The following PCDH15 variants were observed in gnomAD, a reference collection of about 807,000 sequenced individuals.
PCDH15 encodes the protein protocadherin related 15.
A neutral mutation model predicts 178.5 loss-of-function variants in PCDH15; 129 were observed. The ratio of observed to expected loss-of-function variants is 0.72; its 90% CI spans 0.63 to 0.84. PCDH15 has a LOEUF of 0.84. Among genes scored for constraint, PCDH15 ranks in the 40% least tolerant of loss-of-function variants. The probability of loss-of-function intolerance (pLI) is 0.00; values close to 1 mark genes in which losing one functional copy is unlikely to be tolerated. For synonymous variants in PCDH15, 800 were observed against 732.0 expected (o/e 1.09, Z -1.50); for missense variants, 2,230 against 2,099.9 (o/e 1.06, Z -1.21).
At chr10:54,363,574 C>T (rs1025773078) in intron 5 of PCDH15, among the ~76,000 whole-genome samples, 1 of 152,094 alleles carries the variant, frequency 6.6e-6, no homozygotes, top group Non-Finnish European at 1.5e-5. Flanking sequence ...GAATCTTTCT[C>T]AACATGATTT....
intron 2 of PCDH15, among the ~76,000 whole-genome samples, chr10:55,587,630 T>G (rs372576202): frequency 8.5e-5 from 13 of 152,212 alleles, no homozygotes; most frequent in African/African-American, 2.6e-4. Flanking sequence ...TTTGTGAAGA[T>G]TAAAAGAAAA....
intron 4 of PCDH15, among the ~76,000 whole-genome samples, chr10:54,376,703 A>T (rs1589111592): frequency 6.6e-6 from 1 of 151,994 alleles, no homozygotes; most frequent in East Asian, 1.9e-4. Context: ...TCAAATATTT[A>T]CATAATATTA....
chr10:54,550,356 T>C (rs61853622), intron 2 of PCDH15, among the ~76,000 whole-genome samples: 3,891 of 152,240 alleles, frequency 0.026, 70 homozygotes, highest in Non-Finnish European at 0.039. Context: ...CAAAATATAA[T>C]CCCCTTTCCT....
chr10:54,318,734 T>C (rs547815010), intron 7 of PCDH15, among the ~76,000 whole-genome samples: 2 of 152,318 alleles, frequency 1.3e-5, no homozygotes, highest in African/African-American at 4.8e-5. Context: ...TCTGGTGTTT[T>C]CCTCAAGATT....
rs373433378 is a variant in PCDH15 at position 54,830,450 on chromosome 10, T to C, written c.-29+67000A>G. ...TCCTTTGTAGGGACATGGATGAAGC[T>C]GGAAACCATCATTCTCAGCAAACTA... is the stretch of plus-strand genomic sequence containing the variant. On this transcript the variant is annotated intron_variant, in intron 3 of 5. Coordinates refer to the PCDH15 transcript ENST00000458638. Among the ~76,000 whole-genome samples, 62 of 152,194 alleles carry C rather than the reference T, an allele frequency of 4.1e-4. No homozygotes were observed. In the East Asian group the frequency reaches 0.01, roughly 26 times the overall value.
At chr10:55,012,777 A>G (rs568670832) in intron 2 of PCDH15, among the ~76,000 whole-genome samples, 1 of 152,164 alleles carries the variant, frequency 6.6e-6, no homozygotes, top group Non-Finnish European at 1.5e-5. Context: ...ATATGTCAGG[A>G]CAGTGCAAGG....
chr10:55,297,099 T>A (rs1480642273), intron 1 of PCDH15, among the ~76,000 whole-genome samples: 1 of 152,066 alleles, frequency 6.6e-6, no homozygotes. Flanking sequence ...TTATGGTGTT[T>A]ACATATTTCA....
intron 2 of PCDH15, among the ~76,000 whole-genome samples, chr10:55,068,150 C>A (rs1010865169): frequency 2.0e-5 from 3 of 151,954 alleles, no homozygotes; most frequent in Non-Finnish European, 4.4e-5. Context: ...GCTGTAAATT[C>A]TTTGCCTACT....
intron 2 of PCDH15, chr10:55,597,163 G>C (rs1842951784): frequency 6.6e-6 from 1 of 152,146 alleles, no homozygotes; most frequent in African/African-American, 2.4e-5. Flanking sequence ...GACTTATCTT[G>C]AATATTCTGA....
intron 1 of PCDH15, among the ~76,000 whole-genome samples, chr10:55,230,258 A>G (rs117226189): frequency 0.061 from 9,253 of 152,132 alleles, 357 homozygotes; most frequent in Non-Finnish European, 0.09. Flanking sequence ...AGGAGTTGCA[A>G]TATTATTTGA....
chr10:54,510,890 TA>T (rs1329058741), intron 3 of PCDH15, among the ~76,000 whole-genome samples: 2 of 152,138 alleles, frequency 1.3e-5, no homozygotes, highest in Admixed American at 6.6e-5. Flanking sequence ...TCACCGTATT[TA>T]ACTCATATGA....
intron 27 of PCDH15, among the ~76,000 whole-genome samples, chr10:53,859,007 C>T (rs1024497346): frequency 6.6e-6 from 1 of 151,362 alleles, no homozygotes; most frequent in African/African-American, 2.4e-5. Context: ...CCCCTCCTTC[C>T]TTCCTTCTTT....
intron 1 of PCDH15, among the ~76,000 whole-genome samples, chr10:55,190,135 C>T (rs1352728752): frequency 6.6e-6 from 1 of 151,614 alleles, no homozygotes; most frequent in African/African-American, 2.4e-5. Flanking sequence ...GCAAAAGAAT[C>T]CAGATACATG....
chr10:54,919,893 G>GGA (rs1837440899), intron 2 of PCDH15, among the ~76,000 whole-genome samples: 1 of 146,650 alleles, frequency 6.8e-6, no homozygotes, highest in African/African-American at 2.5e-5. Flanking sequence ...TGAGGTTTGG[G>GGA]AAAAAAAAAA....
intron 2 of PCDH15, among the ~76,000 whole-genome samples, chr10:54,970,611 A>T (rs1838907320): frequency 1.8e-5 from 1 of 55,088 alleles, no homozygotes; most frequent in African/African-American, 1.8e-4. Flanking sequence ...TAAATGGAAA[A>T]TTCCCTTAAA....
At position 54,372,164 on chromosome 10, in the gene PCDH15, T is replaced by C. The variant is rs183483942; in HGVS notation, c.319-2889A>G. On this transcript the variant is annotated intron_variant, in intron 4 of 37. Transcript: ENST00000644397. ...TCTTGGAAGACAATGAGGTGAATTA[T>C]GCACTTTTAAAGTTATTTATCTTCC... Among the ~76,000 whole-genome samples, 105 of 152,058 alleles carry C rather than the reference T, an allele frequency of 6.9e-4. 1 individual carries two copies. Among genetic ancestry groups the C allele is most frequent in the Admixed American group, 1.9e-3 (29 of 15,218 alleles).
intron 6 of PCDH15, among the ~76,000 whole-genome samples, chr10:54,344,924 A>C (rs796101087): frequency 2.2e-5 from 3 of 137,230 alleles, no homozygotes; most frequent in African/African-American, 5.3e-5. Flanking sequence ...AAAAAAAAAA[A>C]AACAAGACTC....
intron 21 of PCDH15, among the ~76,000 whole-genome samples, chr10:53,976,769 G>A (rs2090217927): frequency 6.6e-6 from 1 of 151,906 alleles, no homozygotes; most frequent in Admixed American, 6.6e-5. Context: ...GATTTAAACT[G>A]TCCCATAGAA....
chr10:54,754,406 C>G (rs576698753), intron 1 of PCDH15, among the ~76,000 whole-genome samples: 1 of 152,188 alleles, frequency 6.6e-6, no homozygotes, highest in East Asian at 1.9e-4. Context: ...TCTAATATCA[C>G]TACATATCAA....
Sources: gnomAD v4.1 joint callset for allele counts (sites outside exome capture counted in the v4.1 genomes callset) on GRCh38, gnomAD v4.1.1 for gene constraint, MANE v1.5 for transcripts, NCBI Gene and HGNC (gene_info 2026-07-23, HGNC 2026-07-21) for gene names.